ZNF783: variants seen among roughly 807,000 people sequenced by gnomAD.
ZNF783 encodes zinc finger protein 783.
Under a neutral mutation model 31.3 loss-of-function variants are expected in ZNF783, and 25 were observed. That is an observed-to-expected ratio of 0.80 (90% confidence interval 0.58 to 1.11). The LOEUF (loss-of-function observed/expected upper bound fraction) is 1.11, where lower values mean the gene tolerates loss of function less well. ZNF783 is among the 50% of genes most tolerant of loss of function. The probability of loss-of-function intolerance (pLI) is 0.00; values close to 1 mark genes in which losing one functional copy is unlikely to be tolerated. For synonymous variants in ZNF783, 369 were observed against 319.1 expected (o/e 1.16, Z -1.66); for missense variants, 797 against 760.0 (o/e 1.05, Z -0.57).
At chr7:149,268,139 ACT>A (rs1010438366) in intron 4 of ZNF783, among the ~76,000 whole-genome samples, 3 of 151,842 alleles carry the variant, frequency 2.0e-5, no homozygotes, top group East Asian at 3.9e-4. Context: ...AAAACTCAAC[ACT>A]CTGCTGGGTT....
chr7:149,270,389 G>A (rs376259199), intron 4 of ZNF783, among the ~76,000 whole-genome samples: 5 of 152,272 alleles, frequency 3.3e-5, no homozygotes, highest in African/African-American at 4.8e-5. Flanking sequence ...TTTTGCCTCC[G>A]AAAATGCTAG....
At chr7:149,270,613 C>T (rs1212498904) in intron 4 of ZNF783, among the ~76,000 whole-genome samples, 2 of 152,176 alleles carry the variant, frequency 1.3e-5, no homozygotes, top group Non-Finnish European at 2.9e-5. Flanking sequence ...CCTTTGCAGC[C>T]ATGATTTTCC....
At position 149,279,644 on chromosome 7, in the gene ZNF783, T is replaced by G. The variant is rs556184038; in HGVS notation, c.802+1117T>G. Among the ~76,000 whole-genome samples, 866 of 147,982 alleles carry G rather than the reference T, an allele frequency of 5.9e-3. 5 individuals carry two copies. Among genetic ancestry groups the G allele is most frequent in the Non-Finnish European group, 8.9e-3 (599 of 67,016 alleles). ...GCATTTTATCTTTGTTTTTTTTTTT[T>G]TTTTTTTTTTAATTTTTTTTTTTTT... On this transcript the variant is annotated intron_variant, in intron 5 of 5. Transcript: ENST00000434415.
rs745929263 is a variant in ZNF783, at chr7:149,282,149, C to T, written c.1447C>T (p.Arg483Trp). 21 of 1,600,446 alleles carry T rather than the reference C, an allele frequency of 1.3e-5. No homozygotes were observed. Among genetic ancestry groups the T allele is most frequent in the African/African-American group, 8.0e-5 (6 of 74,906 alleles). Reference protein sequence around the residue: ...KAFRRPSDLFRHQRIHTGERP... With the variant: ...KAFRRPSDLFWHQRIHTGERP... ...CTTCCGCCGGCCCTCGGACCTCTTCCGGCACCAGCGCATCCACACCGGTGA... is the reference window on the plus strand; with the variant it reads ...CTTCCGCCGGCCCTCGGACCTCTTCTGGCACCAGCGCATCCACACCGGTGA... Residue 483 changes from arginine to tryptophan, a missense_variant, in exon 6 of 6, where the codon CGG becomes TGG. Coordinates refer to ENST00000434415, the MANE Select transcript of ZNF783 (RefSeq NM_001195220.2).
chr7:149,266,420 A>T lies in ZNF783; in HGVS notation c.110A>T (p.Tyr37Phe). Residue 37 changes from tyrosine (Y) to phenylalanine (F), a missense_variant, in exon 2 of 6, where the codon TAC becomes TTC. Tyr to Phe is a conservative substitution (Grantham distance 22). Coordinates refer to ENST00000434415, the MANE Select transcript of ZNF783 (RefSeq NM_001195220.2). The part of the protein sequence containing the change: ...QPAAEKNSYL[Y>F]STEITLWTVV... ...GCTGCTGAGAAGAACTCGTACCTCT[A>T]CTCCACGGAAATCACACTGTGGACG... The T allele has an allele frequency of 6.2e-7, 1 of 1,602,104 alleles. No homozygotes were observed. Among genetic ancestry groups the T allele is most frequent in the South Asian group, 1.1e-5 (1 of 91,036 alleles).
In ZNF783 at chr7:149,266,695, C is replaced by T. The variant is rs751617418; in HGVS notation, c.385C>T (p.Arg129Trp). The T allele has an allele frequency of 2.3e-5, 37 of 1,613,858 alleles. No homozygotes were observed. Among genetic ancestry groups the T allele is most frequent in the Middle Eastern group, 1.6e-4 (1 of 6,084 alleles). Residue 129 changes from arginine (R) to tryptophan (W), a missense_variant, in exon 2 of 6, where the codon CGG becomes TGG. By Grantham distance (101) the Arg-to-Trp change is moderately radical. Coordinates refer to ENST00000434415, the MANE Select transcript of ZNF783 (RefSeq NM_001195220.2). The stretch of plus-strand genomic sequence containing the variant: ...GCGCAACAGGAACTTCTGGATCTTG[C>T]GGCTGCCCCCGGGCAGCAAGGGGGA... ...LLRNRNFWIL[R>W]LPPGSKGEAP...
chr7:149,276,727 A>G (rs927591668), intron 4 of ZNF783: 13 of 651,294 alleles, frequency 2.0e-5, no homozygotes, highest in South Asian at 6.9e-5. Flanking sequence ...TTGGAATGCA[A>G]CTGGCACAAT....
chr7:149,266,802 G>A lies in ZNF783; in HGVS notation c.421-17G>A, dbSNP rs374913315. The A allele has an allele frequency of 4.5e-5, 73 of 1,613,808 alleles. No homozygotes were observed. In the African/African-American group the frequency reaches 6.8e-4, roughly 15 times the overall value. The stretch of plus-strand genomic sequence containing the variant: ...TGTGAGCGTGTGGGTGAGTGAGTGC[G>A]ACACTTATGGTTCCAGGTGCCCGTG... On this transcript the variant is annotated splice_polypyrimidine_tract_variant and intron_variant, in intron 2 of 5. Coordinates refer to ENST00000434415, the MANE Select transcript of ZNF783 (RefSeq NM_001195220.2).
chr7:149,284,216 C>G lies in ZNF783; in HGVS notation c.*1873C>G, dbSNP rs1360559807. 6.6e-6 allele frequency: 1 copy of G among 152,380 alleles called. No individual in the cohort carries two copies. Among genetic ancestry groups the G allele is most frequent in the African/African-American group, 2.4e-5 (1 of 41,464 alleles). The allele number at this position is 152,380 out of a possible 1,614,324, so 9.4% of individuals were successfully genotyped here. A position where few individuals can be genotyped will look rare whatever the true frequency, so the allele number is the denominator to read the frequency against. ...TTGTTTTTTACCGCCTTGTCTGGCA[C>G]TGTGACCACGCTTCAGGGCTGCTTC... On this transcript the variant is annotated 3_prime_UTR_variant, in exon 6 of 6. Transcript: ENST00000434415.
At chr7:149,279,644 T>TC (rs1335582133) in intron 5 of ZNF783, among the ~76,000 whole-genome samples, 1 of 147,864 alleles carries the variant, frequency 6.8e-6, no homozygotes, top group Non-Finnish European at 1.5e-5. Context: ...TTTTTTTTTT[T>TC]TTTTTTTTTT....
In ZNF783 at chr7:149,282,304, C is replaced by A; in HGVS notation, c.1602C>A (p.Ser534Arg). 6.4e-7 allele frequency: 1 copy of A among 1,562,652 alleles called. No homozygotes were observed. Among genetic ancestry groups the A allele is most frequent in the Non-Finnish European group, 8.6e-7 (1 of 1,162,512 alleles). Residue 534 changes from serine to arginine, a missense_variant, in exon 6 of 6, where the codon AGC becomes AGA. By Grantham distance (110) the Ser-to-Arg change is moderately radical. Transcript: ENST00000434415. ...HFPAAPARHG[S>R]LPLPWPSRKE... Reference sequence around the variant, plus strand: ...CTGCCGCCCCCGCCCGCCACGGGAGCCTGCCCCTGCCCTGGCCCAGCCGGA... The same window carrying A: ...CTGCCGCCCCCGCCCGCCACGGGAGACTGCCCCTGCCCTGGCCCAGCCGGA...
At position 149,281,492 on chromosome 7, in the gene ZNF783, A is replaced by T; in HGVS notation, c.803-13A>T. ...GAGGTCCACTTGGAAACCAACATAGACTCCTTTGCCAGGTGGTGGTGTGGC... is the reference window on the plus strand; with the variant it reads ...GAGGTCCACTTGGAAACCAACATAGTCTCCTTTGCCAGGTGGTGGTGTGGC... On this transcript the variant is annotated splice_polypyrimidine_tract_variant and intron_variant, in intron 5 of 5. Transcript: ENST00000434415. The T allele has an allele frequency of 7.0e-7, 1 of 1,431,648 alleles. No homozygotes were observed. 88.7% of individuals were successfully genotyped at this position (1,431,648 alleles called of 1,614,324 possible).
chr7:149,265,373 A>G (rs1173257999), intron 1 of ZNF783, among the ~76,000 whole-genome samples: 1 of 152,124 alleles, frequency 6.6e-6, no homozygotes, highest in Non-Finnish European at 1.5e-5. Context: ...AGGCCATATG[A>G]ACTATTTATA....
In ZNF783 at chr7:149,283,340, T is replaced by A. The variant is rs1797530291; in HGVS notation, c.*997T>A. 1 of 152,230 alleles carries A rather than the reference T, an allele frequency of 6.6e-6. No homozygotes were observed. Among genetic ancestry groups the A allele is most frequent in the African/African-American group, 2.4e-5 (1 of 41,422 alleles). The allele number at this position is 152,230 out of a possible 1,614,324, so 9.4% of individuals were successfully genotyped here. On this transcript the variant is annotated 3_prime_UTR_variant, in exon 6 of 6. Transcript: ENST00000434415. ...GGCACAGTGTCTCCCCATGTGTGTG[T>A]TTCTTGGCCCAGAGTGACTCCCAGT...
Position 149,262,297 on chromosome 7 carries a change from TC to T in ZNF783, c.-35del. 7.4e-7 allele frequency: 1 copy of T among 1,357,764 alleles called. No homozygotes were observed. The highest frequency in any genetic ancestry group is 9.5e-7 in the Non-Finnish European group (1 of 1,051,176). 84.1% of individuals were successfully genotyped at this position (1,357,764 alleles called of 1,614,324 possible). ...GCCGCCCCGGGCCCGACAGGCCGGG[TC>T]CAGGGACTGCAACCCAGCGAGGGAC... On this transcript the variant is annotated 5_prime_UTR_variant, in exon 1 of 6. Transcript: ENST00000434415.
chr7:149,269,827 C>G (rs1380582568), intron 4 of ZNF783, among the ~76,000 whole-genome samples: 2 of 120,488 alleles, frequency 1.7e-5, no homozygotes, highest in Non-Finnish European at 3.3e-5. Flanking sequence ...CCCCTCCCCC[C>G]ACCCCACAAC....
rs936450329 is a variant in ZNF783 at position 149,282,412 on chromosome 7, T to G, written c.*69T>G. 10 of 1,288,458 alleles carry G rather than the reference T, an allele frequency of 7.8e-6. No individual in the cohort carries two copies. The highest frequency in any genetic ancestry group is 2.9e-5 in the Admixed American group (1 of 34,010). The allele number at this position is 1,288,458 out of a possible 1,614,324, so 79.8% of individuals were successfully genotyped here. On this transcript the variant is annotated 3_prime_UTR_variant, in exon 6 of 6. Coordinates refer to ENST00000434415, the MANE Select transcript of ZNF783 (RefSeq NM_001195220.2). ...TGTGCCTGACGCAGGTTCTTCCTTT[T>G]CCTGGGATGGAGAGAGGTTTGTTGT...
In ZNF783 at chr7:149,284,756, T is replaced by G. The variant is rs1434279742; in HGVS notation, c.*2413T>G. 1 of 152,252 alleles carries G rather than the reference T, an allele frequency of 6.6e-6. No homozygotes were observed. Among genetic ancestry groups the G allele is most frequent in the African/African-American group, 2.4e-5 (1 of 41,464 alleles). The allele number at this position is 152,252 out of a possible 1,614,324, so 9.4% of individuals were successfully genotyped here. ...GAGTTTGCCTAGCACTCAGACCTGT[T>G]TAAGTAACGTTCTTTACATTGAAAC... On this transcript the variant is annotated 3_prime_UTR_variant, in exon 6 of 6. Transcript: ENST00000434415.
At chr7:149,280,796 G>A (rs1053991670) in intron 5 of ZNF783, among the ~76,000 whole-genome samples, 1 of 152,202 alleles carries the variant, frequency 6.6e-6, no homozygotes, top group Non-Finnish European at 1.5e-5. Flanking sequence ...CTGAGACCTG[G>A]GGTCTCACGT....
Sources: allele counts gnomAD v4.1 joint callset (sites outside exome capture counted in the v4.1 genomes callset), GRCh38; gene constraint gnomAD v4.1.1; transcripts MANE v1.5; gene names NCBI Gene and HGNC (gene_info 2026-07-23, HGNC 2026-07-21).